TSHZ2: variants seen among roughly 807,000 people sequenced by gnomAD.
The protein encoded by TSHZ2 is teashirt homolog 2.
In TSHZ2, 21 loss-of-function variants were observed where a neutral mutation model predicts 74.4. That is an observed-to-expected ratio of 0.28 (90% confidence interval 0.20 to 0.41). The LOEUF is 0.41. Ranked by LOEUF, TSHZ2 falls within the 10% of genes least tolerant of loss-of-function variation. The probability of loss-of-function intolerance (pLI) is 1.00; values close to 1 mark genes in which losing one functional copy is unlikely to be tolerated. For synonymous variants in TSHZ2, 540 were observed against 515.3 expected, an observed-to-expected ratio of 1.05 and a Z score of -0.65; for missense variants, 1,244 against 1,293.5, an observed-to-expected ratio of 0.96 and a Z score of 0.59.
intron 2 of TSHZ2, among the ~76,000 whole-genome samples, chr20:53,465,966 TAAA>T (rs557411643): frequency 1.3e-4 from 17 of 132,190 alleles, no homozygotes; most frequent in Middle Eastern, 3.6e-3. Flanking sequence ...TCACAGTGGT[TAAA>T]AAAAAAAAAA....
At chr20:53,461,845 G>A (rs1600659990) in intron 2 of TSHZ2, among the ~76,000 whole-genome samples, 1 of 152,208 alleles carries the variant, frequency 6.6e-6, no homozygotes, top group Non-Finnish European at 1.5e-5. Context: ...TGTAAGTTAT[G>A]GAGGTGACAA....
At chr20:53,400,868 A>T (rs896040962) in intron 2 of TSHZ2, among the ~76,000 whole-genome samples, 21 of 152,308 alleles carry the variant, frequency 1.4e-4, no homozygotes, top group African/African-American at 4.8e-4. Flanking sequence ...CACCTCCGTT[A>T]TCTCCCCTCA....
intron 2 of TSHZ2, among the ~76,000 whole-genome samples, chr20:53,466,018 C>A (rs1431494279): frequency 6.7e-6 from 1 of 148,814 alleles, no homozygotes; most frequent in Admixed American, 6.7e-5. Context: ...GGGCCCAAGG[C>A]AGGTGAATCA....
chr20:53,479,923 C>T (rs919562870), intron 2 of TSHZ2, among the ~76,000 whole-genome samples: 1 of 152,156 alleles, frequency 6.6e-6, no homozygotes, highest in African/African-American at 2.4e-5. Flanking sequence ...TAGAGAAAAA[C>T]TGGCTTGCAG....
intron 2 of TSHZ2, among the ~76,000 whole-genome samples, chr20:53,446,000 C>A (rs1291850468): frequency 6.6e-6 from 1 of 152,156 alleles, no homozygotes; most frequent in East Asian, 1.9e-4. Flanking sequence ...CACTTACCTC[C>A]ACAACCGCTG....
intron 2 of TSHZ2, among the ~76,000 whole-genome samples, chr20:53,401,439 G>T (rs1467548644): frequency 6.6e-6 from 1 of 152,040 alleles, no homozygotes. Flanking sequence ...GGTGGTGTTT[G>T]GTTACATGGG....
chr20:53,490,506 A>G lies in TSHZ2; in HGVS notation c.*3371A>G, dbSNP rs1986418135. 6.6e-6 allele frequency: 1 copy of G among 152,194 alleles called. No individual in the cohort carries two copies. Among genetic ancestry groups the G allele is most frequent in the South Asian group, 2.1e-4 (1 of 4,830 alleles). 9.4% of individuals were successfully genotyped at this position (152,194 alleles called of 1,614,324 possible). A position where few individuals can be genotyped will look rare whatever the true frequency, so the allele number is the denominator to read the frequency against. ...TTCAGAATAAGGATTTTTTTTCTGA[A>G]AAGCATACAGAGAGGAAACAGCTTA... On this transcript the variant is annotated 3_prime_UTR_variant, in exon 3 of 3. Transcript: ENST00000371497.
intron 2 of TSHZ2, among the ~76,000 whole-genome samples, chr20:53,476,252 A>C (rs2145846855): frequency 7.1e-6 from 1 of 141,288 alleles, no homozygotes; most frequent in Non-Finnish European, 1.5e-5. Flanking sequence ...TTGATGCAAA[A>C]ATCCTCAATA....
chr20:53,297,660 G>C (rs960656232), intron 2 of TSHZ2, among the ~76,000 whole-genome samples: 15 of 152,222 alleles, frequency 9.9e-5, no homozygotes, highest in African/African-American at 3.4e-4. Context: ...TCACTAACTT[G>C]GTTTGAATCT....
At chr20:53,304,775 G>A (rs527355561) in intron 2 of TSHZ2, among the ~76,000 whole-genome samples, 47 of 152,008 alleles carry the variant, frequency 3.1e-4, no homozygotes, top group African/African-American at 7.0e-4. Flanking sequence ...GGGATTACAG[G>A]CACGCACCAC....
intron 1 of TSHZ2, among the ~76,000 whole-genome samples, chr20:53,206,382 C>A (rs1466813428): frequency 6.6e-6 from 1 of 152,088 alleles, no homozygotes; most frequent in Non-Finnish European, 1.5e-5. Context: ...ATAATAAACA[C>A]GATGATGAGG....
At chr20:53,400,836 G>A (rs1459616676) in intron 2 of TSHZ2, among the ~76,000 whole-genome samples, 1 of 152,174 alleles carries the variant, frequency 6.6e-6, no homozygotes, top group Non-Finnish European at 1.5e-5. Flanking sequence ...AGAGGAGGGT[G>A]CTCTCCCAGA....
intron 2 of TSHZ2, chr20:53,398,348 G>A (rs1982532838): frequency 1.3e-5 from 2 of 152,096 alleles, no homozygotes; most frequent in Admixed American, 1.3e-4. Context: ...CCAAATCATC[G>A]ATTATCTGCC....
intron 1 of TSHZ2, among the ~76,000 whole-genome samples, chr20:53,183,033 G>T (rs1209330042): frequency 2.0e-5 from 3 of 152,162 alleles, no homozygotes; most frequent in Non-Finnish European, 4.4e-5. Context: ...CTGAGCAAAA[G>T]ACATGCAAGC....
At chr20:53,168,603 T>C (rs994355690) in intron 1 of TSHZ2, 8 of 152,242 alleles carry the variant, frequency 5.3e-5, no homozygotes, top group Admixed American at 4.6e-4. Context: ...TGTATTAGGA[T>C]AATTAAGGCT....
intron 1 of TSHZ2, among the ~76,000 whole-genome samples, chr20:53,234,254 G>GA (rs1241012883): frequency 6.6e-6 from 1 of 152,190 alleles, no homozygotes; most frequent in Non-Finnish European, 1.5e-5. Context: ...AGCCAACCCA[G>GA]AAAAATTCTG....
chr20:53,167,781 C>T (rs547379380), intron 1 of TSHZ2, among the ~76,000 whole-genome samples: 53 of 152,260 alleles, frequency 3.5e-4, no homozygotes, highest in African/African-American at 1.2e-3. Context: ...TGTCAATGCA[C>T]GCTCCCACTG....
At chr20:53,047,997 AG>A (rs1984288666) in intron 1 of TSHZ2, among the ~76,000 whole-genome samples, 1 of 152,206 alleles carries the variant, frequency 6.6e-6, no homozygotes, top group African/African-American at 2.4e-5. Flanking sequence ...GTTAGTAAAC[AG>A]GTTCGTAAGT....
At chr20:53,084,097 G>C (rs1307145282) in intron 1 of TSHZ2, among the ~76,000 whole-genome samples, 2 of 152,090 alleles carry the variant, frequency 1.3e-5, no homozygotes, top group East Asian at 3.8e-4. Context: ...TAAGTAATAA[G>C]ATCACTTCCA....
Sources: allele counts gnomAD v4.1 joint callset (sites outside exome capture counted in the v4.1 genomes callset), GRCh38; gene constraint gnomAD v4.1.1; transcripts MANE v1.5; gene names NCBI Gene and HGNC (gene_info 2026-07-23, HGNC 2026-07-21).